The following EIF4B variants were observed in gnomAD, a reference collection of about 807,000 sequenced individuals.
EIF4B encodes the protein eukaryotic translation initiation factor 4B.
Under a neutral mutation model 79.3 loss-of-function variants are expected in EIF4B, and 8 were observed. The ratio of observed to expected loss-of-function variants is 0.10; its 90% CI spans 0.06 to 0.18. The LOEUF is 0.18. Ranked by LOEUF, EIF4B falls within the 10% of genes least tolerant of loss-of-function variation. EIF4B has a pLI of 1.00. For missense variants in EIF4B, 515 were observed against 792.4 expected (o/e 0.65, Z 4.20); for synonymous variants, 238 against 274.7 (o/e 0.87, Z 1.32).
rs1387749601 is a variant in EIF4B, at chr12:53,028,049, A to G, written c.840A>G (p.Ala280=). Residue 280 remains alanine, a synonymous_variant, in exon 8 of 15, where the codon GCA becomes GCG. Coordinates refer to ENST00000262056, the MANE Select transcript of EIF4B (RefSeq NM_001417.7). ...YDSRIGSGRR[A]FGSGYRRDDD... ...CCCGGATAGGCAGTGGCAGAAGAGCATTTGGCAGTGGGTATCGCAGGGATG... is the reference window on the plus strand; with the variant it reads ...CCCGGATAGGCAGTGGCAGAAGAGCGTTTGGCAGTGGGTATCGCAGGGATG... 3.1e-6 allele frequency: 5 copies of G among 1,613,164 alleles called. No homozygotes were observed. In the African/African-American group the frequency reaches 5.3e-5, roughly 17 times the overall value.
intron 1 of EIF4B, among the ~76,000 whole-genome samples, chr12:53,011,158 T>C (rs1943057971): frequency 1.3e-5 from 2 of 152,088 alleles, no homozygotes; most frequent in African/African-American, 4.8e-5. Context: ...TCCCAGCTAC[T>C]TGGGAGGCTG....
At chr12:53,034,509 A>G (rs1565592237) in intron 9 of EIF4B, 103 bp from the exon 10 acceptor site, 2 of 1,017,400 alleles carry the variant, frequency 2.0e-6, no homozygotes, top group African/African-American at 3.2e-5. Flanking sequence ...ATGCATATAC[A>G]CATATAGATG....
Position 53,030,180 on chromosome 12 carries a change from T to G in EIF4B, c.979+1992T>G, listed in dbSNP as rs1473067792. Among the ~76,000 whole-genome samples, 6 of 29,736 alleles carry G rather than the reference T, an allele frequency of 2.0e-4. 1 individual carries two copies. The highest frequency in any genetic ancestry group is 3.0e-4 in the African/African-American group (6 of 19,708). The allele number at this position is 29,736 out of a possible 152,430, so 19.5% of individuals were successfully genotyped here. ...AAGGCTGCAGTTAGCCAAGGTCTCA[T>G]TTCAGCTTGGGCAACATAGTGAGAC... On this transcript the variant is annotated intron_variant, in intron 8 of 14. Coordinates refer to ENST00000262056, the MANE Select transcript of EIF4B (RefSeq NM_001417.7).
At chr12:53,026,209 AT>A (rs912364540) in intron 6 of EIF4B, among the ~76,000 whole-genome samples, 4 of 150,440 alleles carry the variant, frequency 2.7e-5, no homozygotes, top group African/African-American at 4.9e-5. Flanking sequence ...AGAAATTCAG[AT>A]TTTTTTTTTA....
chr12:53,036,931 C>A (rs1045101710), intron 10 of EIF4B, among the ~76,000 whole-genome samples: 1 of 152,170 alleles, frequency 6.6e-6, no homozygotes, highest in South Asian at 2.1e-4. Flanking sequence ...AACGATCCGC[C>A]CCCAACAGCC....
At chr12:53,035,370 TA>T (rs767671174) in intron 10 of EIF4B, among the ~76,000 whole-genome samples, 10 of 150,720 alleles carry the variant, frequency 6.6e-5, no homozygotes, top group African/African-American at 1.7e-4. Flanking sequence ...TTTATTTATT[TA>T]TTTTCTTTTT....
At chr12:53,020,343 T>C (rs559093942) in intron 4 of EIF4B, among the ~76,000 whole-genome samples, 3 of 152,338 alleles carry the variant, frequency 2.0e-5, no homozygotes, top group Admixed American at 2.0e-4. Context: ...ATGGCATTGC[T>C]TTTTCAAAGT....
At chr12:53,039,833 A>G (rs1189792982) in intron 14 of EIF4B, 131 bp downstream of exon 14, 1 of 1,054,668 alleles carries the variant, frequency 9.5e-7, no homozygotes, top group Admixed American at 2.8e-5. Flanking sequence ...CATTTGGAAT[A>G]CAAAGTGTTT....
chr12:53,014,009 A>T (rs1191723320), intron 1 of EIF4B: 1 of 152,088 alleles, frequency 6.6e-6, no homozygotes, highest in East Asian at 1.9e-4. Context: ...AAAAAATTTT[A>T]AAATTAGCTG....
In EIF4B at chr12:53,041,107, A is replaced by G. The variant is rs1943628579; in HGVS notation, c.*884A>G. 1 of 152,164 alleles carries G rather than the reference A, an allele frequency of 6.6e-6. No homozygotes were observed. The highest frequency in any genetic ancestry group is 1.5e-5 in the Non-Finnish European group (1 of 68,016). The allele number at this position is 152,164 out of a possible 1,614,324, so 9.4% of individuals were successfully genotyped here. A position where few individuals can be genotyped will look rare whatever the true frequency, so the allele number is the denominator to read the frequency against. On this transcript the variant is annotated 3_prime_UTR_variant, in exon 15 of 15. Transcript: ENST00000262056. ...ATCCACATTCTATTGAAACCTTGAA[A>G]CTAAAAATTTAGACTCTTATCATCA...
intron 6 of EIF4B, among the ~76,000 whole-genome samples, chr12:53,025,967 C>T (rs1051000025): frequency 2.6e-5 from 4 of 152,018 alleles, no homozygotes; most frequent in East Asian, 1.9e-4. Context: ...AAAAATTAGC[C>T]GGACACGTGT....
chr12:53,032,549 T>C (rs115173470), intron 8 of EIF4B, among the ~76,000 whole-genome samples: 1 of 152,352 alleles, frequency 6.6e-6, no homozygotes, highest in African/African-American at 2.4e-5. Context: ...TCTTCCCATA[T>C]AAAAGAAGTC....
intron 14 of EIF4B, 183 bp from the exon 15 acceptor site, chr12:53,039,960 T>C (rs564336222): frequency 1.4e-6 from 1 of 722,188 alleles, no homozygotes; most frequent in Admixed American, 2.7e-5. Context: ...GAGACTATAG[T>C]AAGATCGCAT....
rs537350746 is a variant in EIF4B at position 53,018,924 on chromosome 12, C to T, written c.278C>T (p.Ser93Leu). The T allele has an allele frequency of 2.8e-4, 453 of 1,613,958 alleles. 6 individuals are homozygous for T. In the South Asian group the frequency reaches 4.8e-3, roughly 17 times the overall value. ...ATCGACCGGAGCCGTCTTCCCAAAT[C>T]GCCACCCTACACTGCTTTTCTAGGA... ...PNIDRSRLPK[S>L]PPYTAFLGNL... is the part of the protein sequence containing the mutation. Residue 93 changes from serine to leucine, a missense_variant, in exon 3 of 15, where the codon TCG becomes TTG. Physicochemically the swap from Ser to Leu is moderately radical, Grantham distance 145 (BLOSUM62 -2). Coordinates refer to ENST00000262056, the MANE Select transcript of EIF4B (RefSeq NM_001417.7).
chr12:53,027,722 C>A, intron 6 of EIF4B, 60 bp from the exon 7 acceptor site: 1 of 1,561,174 alleles, frequency 6.4e-7, no homozygotes, highest in Non-Finnish European at 8.7e-7. Flanking sequence ...GATAGCTTAC[C>A]GTGTTTCTAT....
chr12:53,015,116 A>G (rs534120923), intron 1 of EIF4B, among the ~76,000 whole-genome samples: 14 of 152,262 alleles, frequency 9.2e-5, no homozygotes, highest in African/African-American at 3.1e-4. Flanking sequence ...AGAGGAGGAC[A>G]TTTTTTCTAG....
At chr12:53,018,526 A>C (rs189167309) in intron 2 of EIF4B, among the ~76,000 whole-genome samples, 77 of 152,308 alleles carry the variant, frequency 5.1e-4, no homozygotes, top group Admixed American at 2.6e-3. Context: ...GATGGGATAT[A>C]ATGAATATAA....
At position 53,022,010 on chromosome 12, in the gene EIF4B, T is replaced by C. The variant is rs534469960; in HGVS notation, c.532+150T>C. The C allele has an allele frequency of 9.3e-6, 8 of 855,620 alleles. No individual in the cohort carries two copies. In the Admixed American group the frequency reaches 1.2e-4, roughly 13 times the overall value. 53.0% of individuals were successfully genotyped at this position (855,620 alleles called of 1,614,324 possible). On this transcript the variant is annotated intron_variant, in intron 5 of 14. Coordinates refer to ENST00000262056, the MANE Select transcript of EIF4B (RefSeq NM_001417.7). Reference sequence around the variant, plus strand: ...TCAGTTTTGCCCCACAGGGGACTTCTGGCAATGTTTGAAGACATTGTAGTT... The same window carrying C: ...TCAGTTTTGCCCCACAGGGGACTTCCGGCAATGTTTGAAGACATTGTAGTT...
At chr12:53,006,955 G>A (rs900659257) in intron 1 of EIF4B, among the ~76,000 whole-genome samples, 4 of 150,418 alleles carry the variant, frequency 2.7e-5, no homozygotes, top group Admixed American at 6.6e-5. Context: ...AGTGTGGTGG[G>A]GGGGAGCAGT....
Sources: allele counts gnomAD v4.1 joint callset (sites outside exome capture counted in the v4.1 genomes callset), GRCh38; gene constraint gnomAD v4.1.1; transcripts MANE v1.5; gene names NCBI Gene and HGNC (gene_info 2026-07-23, HGNC 2026-07-21).